Variants in PXDNL observed in about 807,000 individuals in gnomAD.
PXDNL encodes peroxidasin like.
In PXDNL, 145 loss-of-function variants were observed where a neutral mutation model predicts 150.8. The observed-to-expected ratio is 0.96, with a 90% CI of 0.84 to 1.10. The LOEUF (loss-of-function observed/expected upper bound fraction) is 1.10, where lower values mean the gene tolerates loss of function less well. PXDNL is among the 50% of genes least tolerant of loss of function. The pLI, the probability that PXDNL is intolerant of heterozygous loss-of-function variation, is 0.00. For synonymous variants in PXDNL, 757 were observed against 725.7 expected, an observed-to-expected ratio of 1.04 and a Z score of -0.69; for missense variants, 2,087 against 1,873.9, an observed-to-expected ratio of 1.11 and a Z score of -2.10.
chr8:51,363,613 C>T (rs1024001269), intron 19 of PXDNL, among the ~76,000 whole-genome samples: 7 of 152,100 alleles, frequency 4.6e-5, no homozygotes, highest in South Asian at 4.1e-4. Flanking sequence ...ATAACATAAC[C>T]GATTAGGTCA....
intron 18 of PXDNL, among the ~76,000 whole-genome samples, chr8:51,374,162 A>G (rs911055265): frequency 1.3e-5 from 2 of 152,164 alleles, no homozygotes; most frequent in Non-Finnish European, 2.9e-5. Context: ...GGGAATCTCA[A>G]GGCTGCTACC....
chr8:51,578,579 ATAAAAATTCAAGCAAGACTTTTGTACATG>A (rs1463635144), intron 3 of PXDNL, among the ~76,000 whole-genome samples: 5 of 152,116 alleles, frequency 3.3e-5, no homozygotes, highest in Admixed American at 6.5e-5. Context: ...AAAACAATCT[ATAAAAATTCAAGCAAGACTTTTGTACATG>A]TAGACAAAAT....
Position 51,511,878 on chromosome 8 carries a change from G to A in PXDNL, c.381-12108C>T, listed in dbSNP as rs539906158. ...AGAGAAGGTAAAGCCCCCTTCCCCA[G>A]TATACTGTATCTGCTATATTTCTTG... On this transcript the variant is annotated intron_variant, in intron 4 of 22. Transcript: ENST00000356297. 5.3e-5 allele frequency among the ~76,000 whole-genome samples: 8 copies of A among 152,332 alleles called. No homozygotes were observed. In the East Asian group the frequency reaches 1.5e-3, roughly 29 times the overall value.
chr8:51,696,831 A>G, intron 1 of PXDNL, among the ~76,000 whole-genome samples: 1 of 149,586 alleles, frequency 6.7e-6, no homozygotes, highest in Non-Finnish European at 1.5e-5. Context: ...ACACACACAC[A>G]CACACACAGG....
Position 51,736,722 on chromosome 8 carries a change from C to G in PXDNL, c.164+72459G>C, listed in dbSNP as rs184525681. On this transcript the variant is annotated intron_variant, in intron 1 of 22. Transcript: ENST00000356297. ...AGTTTTTTCCCTTAGGTAGACAGAC[C>G]TTTGTGGTACATAAGGGCAGTTGTA... 9.9e-5 allele frequency among the ~76,000 whole-genome samples: 15 copies of G among 152,272 alleles called. No individual in the cohort carries two copies. The East Asian group carries it at 2.5e-3, about 25-fold the overall frequency.
At chr8:51,708,558 TGG>T (rs1185998427) in intron 1 of PXDNL, among the ~76,000 whole-genome samples, 1 of 152,142 alleles carries the variant, frequency 6.6e-6, no homozygotes, top group East Asian at 1.9e-4. Flanking sequence ...ATCAGCAATG[TGG>T]AGTACAGGCT....
chr8:51,551,542 T>C (rs1052399137), intron 4 of PXDNL, among the ~76,000 whole-genome samples: 1 of 152,212 alleles, frequency 6.6e-6, no homozygotes, highest in East Asian at 1.9e-4. Flanking sequence ...AGCCAACTGA[T>C]CTTTGGCAAA....
In PXDNL at chr8:51,409,386, C is replaced by T. The variant is rs1166104668; in HGVS notation, c.2238G>A (p.Leu746=). Residue 746 remains leucine (L), a synonymous_variant, in exon 17 of 23, where the codon CTG becomes CTA. Transcript: ENST00000356297. ...NLQQPTWGAA[L]TAFARLLQPA... is the part of the protein sequence containing the mutation. ...GCTGCAGCAGGCGCGCGAAGGCGGT[C>T]AGCGCCGCGCCCCACGTGGGCTGCT... 6.3e-7 allele frequency: 1 copy of T among 1,593,756 alleles called. No individual in the cohort carries two copies.
chr8:51,731,648 G>A lies in PXDNL; in HGVS notation c.165-76888C>T, dbSNP rs539230911. 2.0e-5 allele frequency among the ~76,000 whole-genome samples: 3 copies of A among 152,334 alleles called. No individual in the cohort carries two copies. In the South Asian group the frequency reaches 6.2e-4, roughly 32 times the overall value. On this transcript the variant is annotated intron_variant, in intron 1 of 22. Transcript: ENST00000356297. ...AGGTTCTCCATTAGGGCTCTGCCCT[G>A]CAGCACACCTATGCCTGGACACCCA...
At chr8:51,666,454 A>G (rs1447433854) in intron 1 of PXDNL, among the ~76,000 whole-genome samples, 1 of 152,136 alleles carries the variant, frequency 6.6e-6, no homozygotes, top group Non-Finnish European at 1.5e-5. Context: ...AGATACATAT[A>G]CATATATACA....
At chr8:51,645,329 G>A (rs1315181360) in intron 2 of PXDNL, among the ~76,000 whole-genome samples, 1 of 152,120 alleles carries the variant, frequency 6.6e-6, no homozygotes, top group African/African-American at 2.4e-5. Flanking sequence ...CACCCTCTCA[G>A]ACACACTCAG....
chr8:51,574,224 A>C (rs754171978), intron 3 of PXDNL, among the ~76,000 whole-genome samples: 7 of 152,034 alleles, frequency 4.6e-5, no homozygotes, highest in Non-Finnish European at 7.4e-5. Context: ...AATATAAAAA[A>C]CACCCAAACA....
At chr8:51,394,128 C>A (rs544135179) in intron 17 of PXDNL, among the ~76,000 whole-genome samples, 1 of 152,212 alleles carries the variant, frequency 6.6e-6, no homozygotes, top group East Asian at 1.9e-4. Context: ...GTGCCCAGGG[C>A]ATATACAGAA....
intron 2 of PXDNL, among the ~76,000 whole-genome samples, chr8:51,610,504 T>C (rs1338798606): frequency 6.6e-6 from 1 of 152,014 alleles, no homozygotes; most frequent in East Asian, 1.9e-4. Flanking sequence ...AGAAATTTAA[T>C]AGAGAAACTA....
At chr8:51,616,245 G>A (rs559130261) in intron 2 of PXDNL, among the ~76,000 whole-genome samples, 2 of 152,286 alleles carry the variant, frequency 1.3e-5, no homozygotes, top group African/African-American at 4.8e-5. Context: ...AATCTGCACA[G>A]ATGGTTTCTG....
chr8:51,565,309 AATAAATAAATAAATAG>A (rs912120879), intron 3 of PXDNL, among the ~76,000 whole-genome samples: 14 of 135,752 alleles, frequency 1.0e-4, no homozygotes, highest in South Asian at 2.2e-4. Flanking sequence ...TAAATAAATA[AATAAATAAATAAATAG>A]ATAGATAGAT....
intron 4 of PXDNL, among the ~76,000 whole-genome samples, chr8:51,543,181 G>A (rs116729711): frequency 0.019 from 2,853 of 152,194 alleles, 37 homozygotes; most frequent in African/African-American, 0.034. Context: ...AGATCAAAGA[G>A]CTAAGTGCCA....
intron 17 of PXDNL, among the ~76,000 whole-genome samples, chr8:51,389,289 C>T (rs80347104): frequency 0.032 from 4,807 of 152,214 alleles, 196 homozygotes; most frequent in African/African-American, 0.094. Context: ...TCTTTTCTTT[C>T]CAGCACCATG....
intron 6 of PXDNL, among the ~76,000 whole-genome samples, chr8:51,478,209 T>A (rs565014117): frequency 6.6e-6 from 1 of 152,324 alleles, no homozygotes; most frequent in African/African-American, 2.4e-5. Context: ...TTTATTAGAC[T>A]ATACTAAATA....
Sources: allele counts gnomAD v4.1 joint callset (sites outside exome capture counted in the v4.1 genomes callset), GRCh38; gene constraint gnomAD v4.1.1; transcripts MANE v1.5; gene names NCBI Gene and HGNC (gene_info 2026-07-23, HGNC 2026-07-21).